Variants in PEX11G observed in about 807,000 individuals in gnomAD.
The protein encoded by PEX11G is peroxisomal biogenesis factor 11 gamma, also known as peroxisomal membrane protein 11C.
In PEX11G, 20 loss-of-function variants were observed where a neutral mutation model predicts 22.5. That is an observed-to-expected ratio of 0.89 (90% CI 0.62 to 1.29). PEX11G has a LOEUF of 1.29. Ranked by LOEUF, PEX11G falls within the 50% of genes most tolerant of loss-of-function variation. The pLI is 0.00. For synonymous variants in PEX11G, 141 were observed against 154.5 expected (o/e 0.91, Z 0.65); for missense variants, 347 against 331.3 (o/e 1.05, Z -0.37).
In PEX11G at chr19:7,478,201, T is replaced by C; in HGVS notation, c.491+113A>G. 1.7e-6 allele frequency: 2 copies of C among 1,160,900 alleles called. 1 individual carries two copies. The highest frequency in any genetic ancestry group is 2.8e-5 in the South Asian group (2 of 72,570). The allele number at this position is 1,160,900 out of a possible 1,614,324, so 71.9% of individuals were successfully genotyped here. A position where few individuals can be genotyped will look rare whatever the true frequency, so the allele number is the denominator to read the frequency against. ...ACCAGAGGCTGTGATGACTCCCCCA[T>C]GACCTGAGCACAACAGTCCCCAGCA... On this transcript the variant is annotated intron_variant, in intron 4 of 4. Coordinates refer to ENST00000221480, the MANE Select transcript of PEX11G (RefSeq NM_080662.4).
intron 1 of PEX11G, among the ~76,000 whole-genome samples, chr19:7,487,701 C>G (rs1014522242): frequency 6.6e-6 from 1 of 152,170 alleles, no homozygotes; most frequent in Non-Finnish European, 1.5e-5. Flanking sequence ...GGATCACAGG[C>G]GCGAGCCACC....
chr19:7,487,252 T>G (rs2021702389), intron 1 of PEX11G, among the ~76,000 whole-genome samples: 1 of 152,154 alleles, frequency 6.6e-6, no homozygotes, highest in East Asian at 1.9e-4. Flanking sequence ...ACAGCTAAAG[T>G]GTATATTTAC....
In PEX11G at chr19:7,477,059, G is replaced by A. The variant is rs964307286; in HGVS notation, c.*143C>T. 53 of 696,290 alleles carry A rather than the reference G, an allele frequency of 7.6e-5. No homozygotes were observed. Among genetic ancestry groups the A allele is most frequent in the African/African-American group, 3.2e-4 (17 of 53,332 alleles). 43.1% of individuals were successfully genotyped at this position (696,290 alleles called of 1,614,324 possible). On this transcript the variant is annotated 3_prime_UTR_variant, in exon 5 of 5. Transcript: ENST00000221480. ...TCCAGGCTGAGGCCTGGGGGACCTC[G>A]CATCAGTCCCTCCACCCACCCTGCC...
chr19:7,491,135 GAAAAAGT>G (rs1311972345), upstream of PEX11G: 1 of 151,822 alleles, frequency 6.6e-6, no homozygotes, highest in Non-Finnish European at 1.5e-5. Context: ...AAGAATAAAG[GAAAAAGT>G]ATGTTTCCTC....
chr19:7,484,297 C>T (rs115819088), intron 2 of PEX11G, among the ~76,000 whole-genome samples: 2,780 of 151,902 alleles, frequency 0.018, 87 homozygotes, highest in African/African-American at 0.064. Flanking sequence ...AAGGCTGCAG[C>T]GAGCCATGAT....
rs1279306249 is a variant in PEX11G, at chr19:7,478,393, C to T, written c.429-17G>A. Reference sequence around the variant, plus strand: ...CACAGGGACCTGCAGCACCAGAGCCCGAGGGAGGATGCCCCGGCGGGGAGC... The same window carrying T: ...CACAGGGACCTGCAGCACCAGAGCCTGAGGGAGGATGCCCCGGCGGGGAGC... On this transcript the variant is annotated splice_polypyrimidine_tract_variant and intron_variant, in intron 3 of 4. Transcript: ENST00000221480. 14 of 1,603,858 alleles carry T rather than the reference C, an allele frequency of 8.7e-6. No individual in the cohort carries two copies. Among genetic ancestry groups the T allele is most frequent in the Non-Finnish European group, 1.2e-5 (14 of 1,176,086 alleles).
intron 1 of PEX11G, among the ~76,000 whole-genome samples, chr19:7,494,648 C>G (rs570152056): frequency 6.6e-6 from 1 of 152,300 alleles, no homozygotes; most frequent in South Asian, 2.1e-4. Flanking sequence ...CTGAGCTCGA[C>G]CTTTGAAAAA....
At chr19:7,489,070 G>A (rs1004765519), upstream of PEX11G, 5 of 1,437,106 alleles carry the variant, frequency 3.5e-6, no homozygotes, top group Admixed American at 8.6e-5. Context: ...GGGCCAGGCC[G>A]GGGTACCGGG....
At chr19:7,494,628 C>G (rs2021946050) in intron 1 of PEX11G, among the ~76,000 whole-genome samples, 1 of 152,202 alleles carries the variant, frequency 6.6e-6, no homozygotes, top group African/African-American at 2.4e-5. Context: ...CGTCCCCCAT[C>G]TGGCTAGGTC....
chr19:7,478,455 C>T, intron 3 of PEX11G, 79 bp from the exon 4 acceptor site: 1 of 1,404,328 alleles, frequency 7.1e-7, no homozygotes, highest in Non-Finnish European at 9.8e-7. Context: ...CCCGGACATA[C>T]AGTCTGGGAC....
chr19:7,477,434 G>C lies in PEX11G; in HGVS notation c.494C>G (p.Pro165Arg), dbSNP rs769485771. Residue 165 changes from proline (P) to arginine (R), a missense_variant and splice_region_variant, in exon 5 of 5, where the codon CCG becomes CGG. Transcript: ENST00000221480. The stretch of plus-strand genomic sequence containing the variant: ...GGCCCTCCGCTTGCCCCGGGGCAGC[G>C]GGCTGTGGGGCAGAGAGGGGCCGCT... ...LRSPTAPFTS[P>R]LPRGKRRAME... The C allele has an allele frequency of 7.0e-7, 1 of 1,436,054 alleles. No individual in the cohort carries two copies. The highest frequency in any genetic ancestry group is 1.5e-5 in the South Asian group (1 of 66,954). 89.0% of individuals were successfully genotyped at this position (1,436,054 alleles called of 1,614,324 possible).
chr19:7,481,742 TCA>T (rs1977496305), intron 3 of PEX11G, among the ~76,000 whole-genome samples: 1 of 152,158 alleles, frequency 6.6e-6, no homozygotes, highest in Admixed American at 6.6e-5. Context: ...CCAGAAGGCA[TCA>T]GCGCCTGCTG....
chr19:7,489,933 C>T (rs2021841005), upstream of PEX11G, among the ~76,000 whole-genome samples: 1 of 151,398 alleles, frequency 6.6e-6, no homozygotes, highest in South Asian at 2.1e-4. Flanking sequence ...TCTCTGCTCA[C>T]TGCGTCCTCC....
intron 1 of PEX11G, among the ~76,000 whole-genome samples, chr19:7,494,315 C>T (rs574850727): frequency 2.0e-5 from 3 of 152,246 alleles, no homozygotes; most frequent in South Asian, 2.1e-4. Flanking sequence ...TCGATTGAAT[C>T]CAGGAGGTGG....
chr19:7,492,184 A>G (rs935549774), upstream of PEX11G, among the ~76,000 whole-genome samples: 1 of 152,202 alleles, frequency 6.6e-6, no homozygotes, highest in Non-Finnish European at 1.5e-5. Context: ...CTTTGGGTCT[A>G]TACCTAGAAG....
Position 7,482,178 on chromosome 19 carries a change from G to A in PEX11G, c.283C>T (p.Leu95=), listed in dbSNP as rs1340877692. ...EDAFVRCVSV[L]GNLADQLYYP... is the part of the protein sequence containing the mutation. ...TAGAGCTGGTCAGCCAGGTTCCCTA[G>A]GACGGAGACACAGCGGACAAAGGCG... The change falls in exon 3 of 5, where the codon CTA becomes TTA. Residue 95 remains leucine, a synonymous_variant. Transcript: ENST00000221480. The A allele has an allele frequency of 6.3e-7, 1 of 1,583,946 alleles. No individual in the cohort carries two copies. The highest frequency in any genetic ancestry group is 8.6e-7 in the Non-Finnish European group (1 of 1,165,896).
At chr19:7,484,867 T>C (rs2021562892) in intron 2 of PEX11G, among the ~76,000 whole-genome samples, 1 of 152,172 alleles carries the variant, frequency 6.6e-6, no homozygotes, top group Non-Finnish European at 1.5e-5. Flanking sequence ...TTTAAAATTA[T>C]ATCCTCCTTT....
rs1401389930 is a variant in PEX11G at position 7,477,156 on chromosome 19, G to C, written c.*46C>G. The C allele has an allele frequency of 7.2e-7, 1 of 1,392,888 alleles. No individual in the cohort carries two copies. The highest frequency in any genetic ancestry group is 9.4e-7 in the Non-Finnish European group (1 of 1,068,000). 86.3% of individuals were successfully genotyped at this position (1,392,888 alleles called of 1,614,324 possible). On this transcript the variant is annotated 3_prime_UTR_variant, in exon 5 of 5. Transcript: ENST00000221480. ...CTGGCGGCTTCTGCTTTGCGGGAAG[G>C]GCCCTCCGTGGGCTCTGGCTGTGTC...
At chr19:7,477,485 C>G in intron 4 of PEX11G, 49 bp from the exon 5 acceptor site, 1 of 1,344,176 alleles carries the variant, frequency 7.4e-7, no homozygotes, top group Non-Finnish European at 9.6e-7. Flanking sequence ...ACCTGCCTGC[C>G]CTTCCCAAGC....
Sources: gnomAD v4.1 joint callset for allele counts (sites outside exome capture counted in the v4.1 genomes callset) on GRCh38, gnomAD v4.1.1 for gene constraint, MANE v1.5 for transcripts, NCBI Gene and HGNC (gene_info 2026-07-23, HGNC 2026-07-21) for gene names.